The following JMJD1C variants were observed in gnomAD, a reference collection of about 807,000 sequenced individuals.
JMJD1C encodes the protein jumonji domain containing 1C, also known as jumonji domain-containing protein 1C.
A neutral mutation model predicts 245.3 loss-of-function variants in JMJD1C; 31 were observed. That is an observed-to-expected ratio of 0.13 (90% confidence interval 0.09 to 0.17). The LOEUF (loss-of-function observed/expected upper bound fraction) is 0.17. Ranked by LOEUF, JMJD1C falls within the 10% of genes least tolerant of loss-of-function variation. The pLI, the probability that JMJD1C is intolerant of heterozygous loss-of-function variation, is 1.00. For synonymous variants in JMJD1C, 1,057 were observed against 1,017.4 expected (o/e 1.04, Z -0.74); for missense variants, 2,691 against 3,000.2 (o/e 0.90, Z 2.41).
At chr10:63,445,091 G>C (rs1201625783) in intron 1 of JMJD1C, among the ~76,000 whole-genome samples, 1 of 151,940 alleles carries the variant, frequency 6.6e-6, no homozygotes, top group African/African-American at 2.4e-5. Flanking sequence ...AAATTAGCTG[G>C]GTGTGGTGGT....
rs543184174 is a variant in JMJD1C, at chr10:63,451,066, A to G, written c.168+14429T>C. On this transcript the variant is annotated intron_variant, in intron 1 of 25. Transcript: ENST00000399262. ...TATTAAAGCAATTCCATTTACAGTA[A>G]CATCAAAAAAATAATACGTAAGAAA... 9.5e-4 allele frequency among the ~76,000 whole-genome samples: 144 copies of G among 152,290 alleles called. 1 individual carries two copies. Among genetic ancestry groups the G allele is most frequent in the African/African-American group, 3.4e-3 (142 of 41,568 alleles).
rs372268743 is a variant in JMJD1C, at chr10:63,465,496, G to A, written c.167C>T (p.Ala56Val). 6 of 1,600,648 alleles carry A rather than the reference G, an allele frequency of 3.7e-6. No homozygotes were observed. The highest frequency in any genetic ancestry group is 1.7e-5 in the Admixed American group (1 of 59,310). The change falls in exon 1 of 26, where the codon GCG (alanine) becomes GTG (valine). Residue 56 changes from alanine to valine, a missense_variant and splice_region_variant. Ala to Val is a moderately conservative substitution (Grantham distance 64). This residue lies in a region of JMJD1C where 135 missense variants were observed against 115.5 expected (regional missense o/e 1.17). Coordinates refer to ENST00000399262, the MANE Select transcript of JMJD1C (RefSeq NM_032776.3). ...SHRDSRNPDLAVYVEFDDLEW... is the reference protein window; with the variant it reads ...SHRDSRNPDLVVYVEFDDLEW... ...AAAGGGGGGCGCTGACTCTCTTACCGCCAGGTCCGGATTGCGGCTGTCCCT... is the reference window on the plus strand; with the variant it reads ...AAAGGGGGGCGCTGACTCTCTTACCACCAGGTCCGGATTGCGGCTGTCCCT...
At chr10:63,204,315 T>C in intron 10 of JMJD1C, 4 of 985,264 alleles carry the variant, frequency 4.1e-6, no homozygotes, top group Non-Finnish European at 4.8e-6. Flanking sequence ...TGACTAAACA[T>C]TACAACCTGG....
At chr10:63,194,500 G>GAAAAAAAA in intron 13 of JMJD1C, 125 bp from the exon 14 acceptor site, 1 of 584,488 alleles carries the variant, frequency 1.7e-6, no homozygotes, top group Admixed American at 2.8e-5. Flanking sequence ...AAGAGAAAAA[G>GAAAAAAAA]AAAAAAATAA....
chr10:63,375,535 C>CGTGTGT (rs1206144769), intron 2 of JMJD1C, among the ~76,000 whole-genome samples: 17,972 of 147,340 alleles, frequency 0.12, 1,339 homozygotes, highest in Non-Finnish European at 0.18. Context: ...AATATTTACA[C>CGTGTGT]GTGTGTGTGT....
intron 2 of JMJD1C, among the ~76,000 whole-genome samples, chr10:63,287,402 T>C (rs1342150527): frequency 6.6e-6 from 1 of 152,186 alleles, no homozygotes; most frequent in Non-Finnish European, 1.5e-5. Flanking sequence ...TTGATATCAT[T>C]TGAAATGAAA....
chr10:63,424,065 A>AT (rs982358250), intron 1 of JMJD1C, among the ~76,000 whole-genome samples: 1 of 152,044 alleles, frequency 6.6e-6, no homozygotes, highest in African/African-American at 2.4e-5. Context: ...GATTGTGTGT[A>AT]TTTTTTTAAT....
chr10:63,255,282 C>T (rs1195095601), intron 3 of JMJD1C, among the ~76,000 whole-genome samples: 2 of 152,114 alleles, frequency 1.3e-5, no homozygotes, highest in African/African-American at 2.4e-5. Context: ...TTCTTTTCAA[C>T]GTTTCATTCC....
chr10:63,465,171 C>T, intron 1 of JMJD1C: 2 of 339,478 alleles, frequency 5.9e-6, no homozygotes, highest in Non-Finnish European at 5.4e-6. Context: ...GCCGGACTCG[C>T]GGCTCCGCCT....
At chr10:63,315,662 A>G (rs1939912354) in intron 2 of JMJD1C, among the ~76,000 whole-genome samples, 1 of 151,906 alleles carries the variant, frequency 6.6e-6, no homozygotes, top group African/African-American at 2.4e-5. Context: ...CAACATGGTG[A>G]AACCCTGTCT....
intron 2 of JMJD1C, among the ~76,000 whole-genome samples, chr10:63,292,472 A>G (rs6479892): frequency 0.86 from 130,413 of 151,740 alleles, 56,736 homozygotes; most frequent in African/African-American, 0.96. Flanking sequence ...TTAGCTACAC[A>G]TGGTGTTGCA....
At chr10:63,338,158 A>G (rs1432280735) in intron 2 of JMJD1C, among the ~76,000 whole-genome samples, 1 of 152,178 alleles carries the variant, frequency 6.6e-6, no homozygotes, top group Non-Finnish European at 1.5e-5. Flanking sequence ...TTTAAGAGAC[A>G]GAGTCTCACT....
At chr10:63,289,830 A>G (rs979217896) in intron 2 of JMJD1C, among the ~76,000 whole-genome samples, 1 of 152,172 alleles carries the variant, frequency 6.6e-6, no homozygotes, top group Non-Finnish European at 1.5e-5. Flanking sequence ...ATACTTCTAA[A>G]TTATGGCATT....
At chr10:63,518,356 C>T (rs980221907) in intron 1 of JMJD1C, among the ~76,000 whole-genome samples, 1 of 152,124 alleles carries the variant, frequency 6.6e-6, no homozygotes, top group Non-Finnish European at 1.5e-5. Context: ...AACAATATTC[C>T]TACAATTTCA....
At position 63,167,969 on chromosome 10, in the gene JMJD1C, C is replaced by A; in HGVS notation, c.*76G>T. On this transcript the variant is annotated 3_prime_UTR_variant, in exon 26 of 26. Coordinates refer to ENST00000399262, the MANE Select transcript of JMJD1C (RefSeq NM_032776.3). ...CTGATGGTTTTATGAAGCTTAAAGT[C>A]AGTGTGCATACATATCATCATTCAA... The A allele has an allele frequency of 1.2e-6, 1 of 844,424 alleles. No individual in the cohort carries two copies. The highest frequency in any genetic ancestry group is 1.4e-5 in the South Asian group (1 of 70,138). 52.3% of individuals were successfully genotyped at this position (844,424 alleles called of 1,614,324 possible).
At chr10:63,307,767 T>C (rs1053808757) in intron 2 of JMJD1C, among the ~76,000 whole-genome samples, 6 of 152,082 alleles carry the variant, frequency 3.9e-5, no homozygotes, top group Non-Finnish European at 8.8e-5. Context: ...GTTTTAGAAG[T>C]TTAGTCTCTG....
At chr10:63,245,602 C>T (rs984118741) in intron 3 of JMJD1C, among the ~76,000 whole-genome samples, 1 of 151,368 alleles carries the variant, frequency 6.6e-6, no homozygotes, top group South Asian at 2.1e-4. Context: ...CCTGCCTCAG[C>T]CTCCCAAGTA....
At chr10:63,351,266 T>A (rs1347353909) in intron 2 of JMJD1C, among the ~76,000 whole-genome samples, 2 of 151,750 alleles carry the variant, frequency 1.3e-5, no homozygotes, top group Non-Finnish European at 2.9e-5. Context: ...TATAGTGGTA[T>A]TTATATTTGG....
intron 2 of JMJD1C, among the ~76,000 whole-genome samples, chr10:63,292,227 G>A: frequency 7.5e-6 from 1 of 132,714 alleles, no homozygotes; most frequent in Middle Eastern, 4.7e-3. Context: ...CCATAGTGCT[G>A]GGATTACAGA....
Sources: gnomAD v4.1 joint callset for allele counts (sites outside exome capture counted in the v4.1 genomes callset) on GRCh38, gnomAD v4.1.1 for gene constraint, gnomAD v4.1.1 regional missense constraint, MANE v1.5 for transcripts, NCBI Gene and HGNC (gene_info 2026-07-23, HGNC 2026-07-21) for gene names.